TMEFF2: variants seen among roughly 807,000 people sequenced by gnomAD.
TMEFF2 encodes the protein tomoregulin-2.
TMEFF2 carries 28 observed loss-of-function variants against 53.8 expected under a neutral mutation model. That is an observed-to-expected ratio of 0.52 (90% CI 0.39 to 0.71). The LOEUF is 0.71. TMEFF2 is among the 30% of genes least tolerant of loss of function. The pLI, the probability that TMEFF2 is intolerant of heterozygous loss-of-function variation, is 0.00. For synonymous variants in TMEFF2, 162 were observed against 166.3 expected (o/e 0.97, Z 0.20); for missense variants, 353 against 455.2 (o/e 0.78, Z 2.04).
intron 4 of TMEFF2, among the ~76,000 whole-genome samples, chr2:192,145,137 A>G (rs1291109523): frequency 6.6e-6 from 1 of 152,020 alleles, no homozygotes; most frequent in Non-Finnish European, 1.5e-5. Flanking sequence ...ACACTAAATT[A>G]TATAACAATA....
chr2:191,999,103 C>G lies in TMEFF2; in HGVS notation c.642G>C (p.Gln214His), dbSNP rs773197202. The change falls in exon 6 of 10, where the codon CAG (glutamine) becomes CAC (histidine). Residue 214 changes from glutamine to histidine, a missense_variant. Gln to His is a conservative substitution (Grantham distance 24). Around this residue, in one of 3 missense-constraint regions of TMEFF2, gnomAD observed 294 missense variants for 397.3 expected, o/e 0.74. Transcript: ENST00000272771. Reference protein sequence around the residue: ...NACQIKEASCQKQEKIEVMSL... With the variant: ...NACQIKEASCHKQEKIEVMSL... ...ACATGACTTCAATTTTCTCCTGTTT[C>G]TGACACGATGCTTCTTTGATTTGGC... The G allele has an allele frequency of 6.2e-7, 1 of 1,611,648 alleles. No homozygotes were observed. The highest frequency in any genetic ancestry group is 1.7e-5 in the Admixed American group (1 of 59,916).
At chr2:192,056,120 T>C (rs1223278910) in intron 5 of TMEFF2, among the ~76,000 whole-genome samples, 1 of 152,208 alleles carries the variant, frequency 6.6e-6, no homozygotes, top group African/African-American at 2.4e-5. Context: ...TTTTTTTTCT[T>C]CATTTTCCTT....
chr2:192,125,159 G>T (rs1240793898), intron 4 of TMEFF2, among the ~76,000 whole-genome samples: 1 of 152,170 alleles, frequency 6.6e-6, no homozygotes, highest in African/African-American at 2.4e-5. Context: ...TCAGCTGGAT[G>T]GGAAGACATT....
At chr2:191,954,090 T>C (rs920226685) in intron 8 of TMEFF2, among the ~76,000 whole-genome samples, 58 of 152,200 alleles carry the variant, frequency 3.8e-4, no homozygotes, top group African/African-American at 1.3e-3. Context: ...GGTTTCACCC[T>C]GTTAGCCAGG....
At chr2:192,124,127 G>C (rs1192367001) in intron 4 of TMEFF2, among the ~76,000 whole-genome samples, 1 of 152,186 alleles carries the variant, frequency 6.6e-6, no homozygotes, top group Admixed American at 6.5e-5. Flanking sequence ...TGAGTCTGCA[G>C]TGCTGCTGGG....
chr2:192,134,787 A>G lies in TMEFF2; in HGVS notation c.439+44881T>C, dbSNP rs187009302. ...AGCCATTTCTTCCCTTCTGTCAGAC[A>G]TAATTCCTCAGTTTAGCCTTCCCAC... On this transcript the variant is annotated intron_variant, in intron 4 of 9. Transcript: ENST00000272771. Among the ~76,000 whole-genome samples the G allele has an allele frequency of 1.3e-3, 202 of 152,264 alleles. 1 individual carries two copies. Among genetic ancestry groups the G allele is most frequent in the African/African-American group, 4.7e-3 (196 of 41,568 alleles).
chr2:191,966,023 G>A (rs1009758579), intron 7 of TMEFF2, among the ~76,000 whole-genome samples: 23 of 151,566 alleles, frequency 1.5e-4, no homozygotes, highest in African/African-American at 5.1e-4. Context: ...GTCTCTGTAC[G>A]TAGCACAGAA....
At chr2:192,001,008 C>T (rs1312281978) in intron 5 of TMEFF2, among the ~76,000 whole-genome samples, 1 of 152,150 alleles carries the variant, frequency 6.6e-6, no homozygotes, top group Non-Finnish European at 1.5e-5. Context: ...CCTACATGTT[C>T]AAAGAGCTTC....
intron 5 of TMEFF2, among the ~76,000 whole-genome samples, chr2:192,037,288 A>AG (rs1553515701): frequency 7.3e-6 from 1 of 136,744 alleles, no homozygotes; most frequent in African/African-American, 3.4e-5. Flanking sequence ...AAAGAAAGAA[A>AG]GAAAGAAAGA....
intron 4 of TMEFF2, among the ~76,000 whole-genome samples, chr2:192,134,636 A>G (rs912070372): frequency 6.6e-6 from 1 of 152,192 alleles, no homozygotes; most frequent in Non-Finnish European, 1.5e-5. Context: ...GCCCCTGCCC[A>G]GGACTGGCAA....
At chr2:192,039,394 T>TA (rs1227852975) in intron 5 of TMEFF2, among the ~76,000 whole-genome samples, 2 of 152,234 alleles carry the variant, frequency 1.3e-5, no homozygotes, top group Non-Finnish European at 2.9e-5. Flanking sequence ...GATATGTTGC[T>TA]ATTGCTTTGT....
intron 5 of TMEFF2, chr2:192,037,859 C>T (rs1014488553): frequency 6.6e-6 from 1 of 152,138 alleles, no homozygotes; most frequent in African/African-American, 2.4e-5. Context: ...TCTACCTTGA[C>T]TTCTATCCTA....
At chr2:192,071,906 C>T (rs1346753493) in intron 4 of TMEFF2, among the ~76,000 whole-genome samples, 1 of 151,824 alleles carries the variant, frequency 6.6e-6, no homozygotes, top group African/African-American at 2.4e-5. Flanking sequence ...AAGTTACGTG[C>T]TGAGTCACTG....
intron 7 of TMEFF2, among the ~76,000 whole-genome samples, chr2:191,966,645 AAAC>A (rs1354395421): frequency 2.6e-5 from 4 of 152,214 alleles, no homozygotes; most frequent in African/African-American, 7.2e-5. Context: ...AAGCAAAACA[AAAC>A]AAAAAACAGG....
chr2:192,136,953 T>G (rs1690024795), intron 4 of TMEFF2, among the ~76,000 whole-genome samples: 1 of 152,248 alleles, frequency 6.6e-6, no homozygotes, highest in Non-Finnish European at 1.5e-5. Flanking sequence ...TGAAATTAAC[T>G]ACATCATTTG....
At chr2:192,068,864 A>T (rs913548275) in intron 4 of TMEFF2, among the ~76,000 whole-genome samples, 1 of 151,878 alleles carries the variant, frequency 6.6e-6, no homozygotes, top group East Asian at 1.9e-4. Flanking sequence ...ATAAAAAGCC[A>T]ATTTTAAGAG....
chr2:191,992,240 A>G (rs1686124849), intron 7 of TMEFF2, among the ~76,000 whole-genome samples: 1 of 152,100 alleles, frequency 6.6e-6, no homozygotes, highest in African/African-American at 2.4e-5. Context: ...TTTATTTCCT[A>G]CAGATCAAAT....
chr2:191,983,742 A>G (rs1685910855), intron 7 of TMEFF2, among the ~76,000 whole-genome samples: 1 of 152,202 alleles, frequency 6.6e-6, no homozygotes, highest in African/African-American at 2.4e-5. Flanking sequence ...TTGAATGAAT[A>G]TTAAGAACCA....
intron 4 of TMEFF2, among the ~76,000 whole-genome samples, chr2:192,112,504 T>C (rs565396012): frequency 6.6e-6 from 1 of 152,280 alleles, no homozygotes; most frequent in African/African-American, 2.4e-5. Flanking sequence ...TAACTTGCTT[T>C]TGATTTTACA....
Sources: allele counts gnomAD v4.1 joint callset (sites outside exome capture counted in the v4.1 genomes callset), GRCh38; gene constraint gnomAD v4.1.1; regional missense constraint gnomAD v4.1.1; transcripts MANE v1.5; gene names NCBI Gene and HGNC (gene_info 2026-07-23, HGNC 2026-07-21).